The following DHFR2 variants were observed in gnomAD, a reference collection of about 807,000 sequenced individuals.
DHFR2 encodes dihydrofolate reductase 2, also known as dihydrofolate reductase 2, mitochondrial.
Under a neutral mutation model 12.0 loss-of-function variants are expected in DHFR2, and 11 were observed. The observed-to-expected ratio is 0.92, with a 90% CI of 0.58 to 1.52. The LOEUF is 1.52. DHFR2 is among the 40% of genes most tolerant of loss of function. The probability of loss-of-function intolerance (pLI) is 0.00; values close to 1 mark genes in which losing one functional copy is unlikely to be tolerated. For missense variants in DHFR2, 188 were observed against 221.2 expected (o/e 0.85, Z 0.95); for synonymous variants, 87 against 79.6 (o/e 1.09, Z -0.49).
Position 94,060,894 on chromosome 3 carries a change from G to T in DHFR2, c.*54C>A, listed in dbSNP as rs2077169066. On this transcript the variant is annotated 3_prime_UTR_variant, in exon 2 of 2. Transcript: ENST00000314636. ...AAAGTCCCTTTTCTAATGTAAAAATGCATACTTTTCTCAGAGGGAGGGGGA... is the reference window on the plus strand; with the variant it reads ...AAAGTCCCTTTTCTAATGTAAAAATTCATACTTTTCTCAGAGGGAGGGGGA... The T allele has an allele frequency of 1.3e-6, 2 of 1,564,780 alleles. No homozygotes were observed. The highest frequency in any genetic ancestry group is 2.4e-5 in the South Asian group (2 of 83,794).
In DHFR2 at chr3:94,058,579, G is replaced by C. The variant is rs115816763; in HGVS notation, c.*2369C>G. On this transcript the variant is annotated 3_prime_UTR_variant, in exon 2 of 2. Coordinates refer to ENST00000314636, the MANE Select transcript of DHFR2 (RefSeq NM_176815.5). ...TCCCAAAGTAGTTACCAGATTTAGG[G>C]GCTAAGCAGTCAGTCACCACATCAT... 5,088 of 152,506 alleles carry C rather than the reference G, an allele frequency of 0.033. 275 individuals carry two copies. Among genetic ancestry groups the C allele is most frequent in the African/African-American group, 0.11 (4,764 of 41,456 alleles). The allele number at this position is 152,506 out of a possible 1,614,324, so 9.4% of individuals were successfully genotyped here.
At position 94,060,075 on chromosome 3, in the gene DHFR2, A is replaced by G. The variant is rs1399352099; in HGVS notation, c.*873T>C. The G allele has an allele frequency of 1.3e-5, 2 of 152,110 alleles. No homozygotes were observed. The highest frequency in any genetic ancestry group is 1.5e-5 in the Non-Finnish European group (1 of 68,030). The allele number at this position is 152,110 out of a possible 1,614,324, so 9.4% of individuals were successfully genotyped here. The stretch of plus-strand genomic sequence containing the variant: ...CTGTCTTAAAAAGAAAAAAAAAAAA[A>G]AGTATGAAGAGTTTACATACTTAAA... On this transcript the variant is annotated 3_prime_UTR_variant, in exon 2 of 2. Transcript: ENST00000314636.
In DHFR2 at chr3:94,060,238, G is replaced by A. The variant is rs2077165762; in HGVS notation, c.*710C>T. 6.6e-6 allele frequency: 1 copy of A among 152,332 alleles called. No individual in the cohort carries two copies. The highest frequency in any genetic ancestry group is 1.5e-5 in the Non-Finnish European group (1 of 68,174). The allele number at this position is 152,332 out of a possible 1,614,324, so 9.4% of individuals were successfully genotyped here. ...ACAGGACAGGGAGCTGACAACCAAG[G>A]AGTGGGGGTTAAATACTCTAGCTTT... On this transcript the variant is annotated 3_prime_UTR_variant, in exon 2 of 2. Coordinates refer to ENST00000314636, the MANE Select transcript of DHFR2 (RefSeq NM_176815.5).
upstream of DHFR2, chr3:94,063,204 G>C: frequency 6.6e-7 from 1 of 1,525,876 alleles, no homozygotes; most frequent in South Asian, 1.1e-5. Context: ...GGCCGAGGTG[G>C]CGAGGGAGGG....
rs2077156640 is a variant in DHFR2, at chr3:94,058,692, T to G, written c.*2256A>C. On this transcript the variant is annotated 3_prime_UTR_variant, in exon 2 of 2. Transcript: ENST00000314636. ...CCTGTACTTCTTCCTGCCCTAGAATTAATTATTGCCTAACCAACCCTTCCC... is the reference window on the plus strand; with the variant it reads ...CCTGTACTTCTTCCTGCCCTAGAATGAATTATTGCCTAACCAACCCTTCCC... 1 of 155,494 alleles carries G rather than the reference T, an allele frequency of 6.4e-6. No homozygotes were observed. Among genetic ancestry groups the G allele is most frequent in the Non-Finnish European group, 1.4e-5 (1 of 70,480 alleles). The allele number at this position is 155,494 out of a possible 1,614,324, so 9.6% of individuals were successfully genotyped here.
Position 94,060,791 on chromosome 3 carries a change from G to C in DHFR2, c.*157C>G. On this transcript the variant is annotated 3_prime_UTR_variant, in exon 2 of 2. Transcript: ENST00000314636. ...TTATAGCAAGAATGTTTCATAAATG[G>C]TATCTGATATAGCCAAGATTAGTGA... 2 of 823,840 alleles carry C rather than the reference G, an allele frequency of 2.4e-6. No homozygotes were observed. Among genetic ancestry groups the C allele is most frequent in the Non-Finnish European group, 1.9e-6 (1 of 537,892 alleles). 51.0% of individuals were successfully genotyped at this position (823,840 alleles called of 1,614,324 possible). A position where few individuals can be genotyped will look rare whatever the true frequency, so the allele number is the denominator to read the frequency against.
Position 94,060,963 on chromosome 3 carries a change from A to C in DHFR2, c.549T>G (p.Cys183Trp). The C allele has an allele frequency of 6.2e-7, 1 of 1,613,640 alleles. No individual in the cohort carries two copies. The highest frequency in any genetic ancestry group is 8.5e-7 in the Non-Finnish European group (1 of 1,179,666). ...CACCTTCATATTAATCATCCTTCTC[A>C]CATACTTCAAATTTGTACTTGATGT... is the stretch of plus-strand genomic sequence containing the variant. ...GKHIKYKFEVCEKDD is the reference protein window; with the variant it reads ...GKHIKYKFEVWEKDD The change falls in exon 2 of 2, where the codon TGT becomes TGG. Residue 183 changes from cysteine to tryptophan, a missense_variant. Cys to Trp is a radical substitution (Grantham distance 215). Coordinates refer to ENST00000314636, the MANE Select transcript of DHFR2 (RefSeq NM_176815.5).
upstream of DHFR2, chr3:94,063,283 C>T (rs2077189194): frequency 1.2e-6 from 1 of 854,224 alleles, no homozygotes; most frequent in Admixed American, 1.8e-5. Flanking sequence ...GCTTTACTGT[C>T]AAGCCCTGAA....
chr3:94,062,945 C>G (rs561192140), upstream of DHFR2: 1 of 637,650 alleles, frequency 1.6e-6, no homozygotes, highest in African/African-American at 1.8e-5. Context: ...GGGAGCTAAG[C>G]CTCTTCGACA....
Position 94,057,993 on chromosome 3 carries a change from A to T in DHFR2, c.*2955T>A, listed in dbSNP as rs2077151025. 1 of 152,202 alleles carries T rather than the reference A, an allele frequency of 6.6e-6. No homozygotes were observed. The highest frequency in any genetic ancestry group is 1.5e-5 in the Non-Finnish European group (1 of 68,024). The allele number at this position is 152,202 out of a possible 1,614,324, so 9.4% of individuals were successfully genotyped here. On this transcript the variant is annotated 3_prime_UTR_variant, in exon 2 of 2. Coordinates refer to ENST00000314636, the MANE Select transcript of DHFR2 (RefSeq NM_176815.5). ...TGAGTCCCAAAAATGTGATAAAATT[A>T]ATATGACCTCTTTCCAAGTATAACA...
Position 94,061,492 on chromosome 3 carries a change from C to T in DHFR2, c.20G>A (p.Cys7Tyr). The change falls in exon 2 of 2, where the codon TGC becomes TAC. Residue 7 changes from cysteine (C) to tyrosine (Y), a missense_variant. Cys to Tyr is a radical substitution (Grantham distance 194). Transcript: ENST00000314636. ...CATGTTTTGGGACACAGCGACGATG[C>T]AGTTTAGCAAAAGAAACATGACAGC... Reference protein sequence around the residue: MFLLLNCIVAVSQNMGI... With the variant: MFLLLNYIVAVSQNMGI... 5 of 1,614,134 alleles carry T rather than the reference C, an allele frequency of 3.1e-6. No individual in the cohort carries two copies. Among genetic ancestry groups the T allele is most frequent in the Non-Finnish European group, 4.2e-6 (5 of 1,180,030 alleles).
At position 94,060,703 on chromosome 3, in the gene DHFR2, G is replaced by C; in HGVS notation, c.*245C>G. On this transcript the variant is annotated 3_prime_UTR_variant, in exon 2 of 2. Coordinates refer to ENST00000314636, the MANE Select transcript of DHFR2 (RefSeq NM_176815.5). ...AGTGGCAAGAGTGCCACATGTGATGGGTGTGGAATGGCAGCTCACTGTAGC... is the reference window on the plus strand; with the variant it reads ...AGTGGCAAGAGTGCCACATGTGATGCGTGTGGAATGGCAGCTCACTGTAGC... The C allele has an allele frequency of 1.9e-6, 1 of 530,394 alleles. No homozygotes were observed. The highest frequency in any genetic ancestry group is 1.9e-5 in the African/African-American group (1 of 52,852). 32.9% of individuals were successfully genotyped at this position (530,394 alleles called of 1,614,324 possible).
chr3:94,061,342 G>A lies in DHFR2; in HGVS notation c.170C>T (p.Thr57Ile). ...KQNLVIMGRK[T>I]WFSIPEKNRP... ...ATTCTTCTCAGGAATGGAGAACCAG[G>A]TCTTCCTACCCATAATCACCAGATT... The change falls in exon 2 of 2, where the codon ACC becomes ATC. Residue 57 changes from threonine to isoleucine, a missense_variant. Transcript: ENST00000314636. The A allele has an allele frequency of 1.2e-6, 2 of 1,614,088 alleles. No homozygotes were observed. The highest frequency in any genetic ancestry group is 1.1e-5 in the South Asian group (1 of 91,074).
At chr3:94,062,715 C>A (rs1005609271) in intron 1 of DHFR2, 31 bp downstream of exon 1, 32 of 249,886 alleles carry the variant, frequency 1.3e-4, no homozygotes, top group African/African-American at 6.4e-4. Flanking sequence ...GTCACTGCAA[C>A]CTCAAACTTC....
chr3:94,060,754 T>C lies in DHFR2; in HGVS notation c.*194A>G, dbSNP rs1384919856. On this transcript the variant is annotated 3_prime_UTR_variant, in exon 2 of 2. Transcript: ENST00000314636. ...AGGTGCTGGGGACTCAGTCGGGGTC[T>C]TGGAGAGACAGTTATAGCAAGAATG... The C allele has an allele frequency of 5.9e-6, 4 of 678,598 alleles. No homozygotes were observed. Among genetic ancestry groups the C allele is most frequent in the Non-Finnish European group, 9.7e-6 (4 of 413,748 alleles). The allele number at this position is 678,598 out of a possible 1,614,324, so 42.0% of individuals were successfully genotyped here.
At position 94,061,031 on chromosome 3, in the gene DHFR2, G is replaced by A; in HGVS notation, c.481C>T (p.Pro161Ser). ...TCAGAGAGAACACCTGGGTATTCAG[G>A]CAGAAGTTTATATTTCTCCAAGTCA... ...EIDLEKYKLL[P>S]EYPGVLSDVQ... is the part of the protein sequence containing the mutation. The change falls in exon 2 of 2, where the codon CCT becomes TCT. Residue 161 changes from proline (P) to serine (S), a missense_variant. Physicochemically the swap from Pro to Ser is moderately conservative, Grantham distance 74. Coordinates refer to ENST00000314636, the MANE Select transcript of DHFR2 (RefSeq NM_176815.5). The A allele has an allele frequency of 6.2e-7, 1 of 1,613,796 alleles. No homozygotes were observed. The highest frequency in any genetic ancestry group is 8.5e-7 in the Non-Finnish European group (1 of 1,179,834).
At position 94,061,490 on chromosome 3, in the gene DHFR2, T is replaced by C. The variant is rs2077174749; in HGVS notation, c.22A>G (p.Ile8Val). The change falls in exon 2 of 2, where the codon ATC (isoleucine) becomes GTC (valine). Residue 8 changes from isoleucine (I) to valine (V), a missense_variant. Ile to Val is a conservative substitution (Grantham distance 29). Coordinates refer to ENST00000314636, the MANE Select transcript of DHFR2 (RefSeq NM_176815.5). ...CCCATGTTTTGGGACACAGCGACGATGCAGTTTAGCAAAAGAAACATGACA... is the reference window on the plus strand; with the variant it reads ...CCCATGTTTTGGGACACAGCGACGACGCAGTTTAGCAAAAGAAACATGACA... MFLLLNC[I>V]VAVSQNMGIG... 6.2e-7 allele frequency: 1 copy of C among 1,614,198 alleles called. No individual in the cohort carries two copies. The highest frequency in any genetic ancestry group is 8.5e-7 in the Non-Finnish European group (1 of 1,180,040).
In DHFR2 at chr3:94,061,119, A is replaced by G. The variant is rs1290963774; in HGVS notation, c.393T>C (p.His131=). 6.2e-7 allele frequency: 1 copy of G among 1,613,818 alleles called. No individual in the cohort carries two copies. The highest frequency in any genetic ancestry group is 8.5e-7 in the Non-Finnish European group (1 of 1,179,856). ...VYKEAMNHLG[H]LKLFVTRIMQ... ...TGATCCTTGTCACAAATAGTTTAAG[A>G]TGGCCTAGGTGATTCATGGCTTCCT... The change falls in exon 2 of 2, where the codon CAT becomes CAC. Residue 131 remains histidine (H), a synonymous_variant. Transcript: ENST00000314636.
At chr3:94,062,499 C>T (rs1221689097) in intron 1 of DHFR2, among the ~76,000 whole-genome samples, 2 of 152,170 alleles carry the variant, frequency 1.3e-5, no homozygotes, top group Admixed American at 6.5e-5. Context: ...TAACAGGGGT[C>T]ACTAGATTTG....
Sources: gnomAD v4.1 joint callset for allele counts (sites outside exome capture counted in the v4.1 genomes callset) on GRCh38, gnomAD v4.1.1 for gene constraint, MANE v1.5 for transcripts, NCBI Gene and HGNC (gene_info 2026-07-23, HGNC 2026-07-21) for gene names.